Variants in GNAQ observed in about 807,000 individuals in gnomAD.
The protein encoded by GNAQ is guanine nucleotide-binding protein G(q) subunit alpha.
GNAQ carries 8 observed loss-of-function variants against 43.9 expected under a neutral mutation model. That is an observed-to-expected ratio of 0.18 (90% CI 0.11 to 0.33). The LOEUF (loss-of-function observed/expected upper bound fraction) is 0.33. Ranked by LOEUF, GNAQ falls within the 10% of genes least tolerant of loss-of-function variation. The pLI, the probability that GNAQ is intolerant of heterozygous loss-of-function variation, is 1.00. For synonymous variants in GNAQ, 155 were observed against 170.7 expected, an observed-to-expected ratio of 0.91 and a Z score of 0.71; for missense variants, 158 against 450.8, an observed-to-expected ratio of 0.35 and a Z score of 5.88.
chr9:78,016,317 G>A (rs1453111804), intron 1 of GNAQ, among the ~76,000 whole-genome samples: 1 of 152,094 alleles, frequency 6.6e-6, no homozygotes, highest in Non-Finnish European at 1.5e-5. Context: ...TATCAGTTCT[G>A]TTCTTTTCCC....
chr9:77,934,121 A>C (rs1829194535), intron 1 of GNAQ, among the ~76,000 whole-genome samples: 1 of 152,192 alleles, frequency 6.6e-6, no homozygotes, highest in Non-Finnish European at 1.5e-5. Flanking sequence ...GAGGTGCGGC[A>C]CAGAAAGAAC....
chr9:77,759,253 A>T (rs755687799), intron 5 of GNAQ, among the ~76,000 whole-genome samples: 6 of 152,184 alleles, frequency 3.9e-5, no homozygotes, highest in Non-Finnish European at 8.8e-5. Flanking sequence ...TGCAAAAATA[A>T]CGTTACAGTT....
Position 77,788,784 on chromosome 9 carries a change from C to T in GNAQ, c.735+5679G>A, listed in dbSNP as rs1036294010. 4.6e-5 allele frequency among the ~76,000 whole-genome samples: 7 copies of T among 152,168 alleles called. No homozygotes were observed. The South Asian group carries it at 1.0e-3, about 23-fold the overall frequency. On this transcript the variant is annotated intron_variant, in intron 5 of 6. Transcript: ENST00000286548. ...TTTCAAACTGTGTATTTAGACCACA[C>T]GGTATAAGCCTATCACACGCTTTTA...
intron 5 of GNAQ, among the ~76,000 whole-genome samples, chr9:77,758,670 ATGG>A (rs1825940973): frequency 6.6e-6 from 1 of 152,176 alleles, no homozygotes; most frequent in African/African-American, 2.4e-5. Flanking sequence ...TTTTAGATAA[ATGG>A]TAGCACATGT....
In GNAQ at chr9:77,721,180, A is replaced by G. The variant is rs141809734; in HGVS notation, c.*143T>C. 1.3e-3 allele frequency: 706 copies of G among 561,864 alleles called. 2 individuals carry two copies. In the African/African-American group the frequency reaches 0.013, roughly 10 times the overall value. 34.8% of individuals were successfully genotyped at this position (561,864 alleles called of 1,614,324 possible). A position where few individuals can be genotyped will look rare whatever the true frequency, so the allele number is the denominator to read the frequency against. Reference sequence around the variant, plus strand: ...TAAATAAAATCATAATATTTACTACAAACTCTGTGGACACGCTCACACAGA... The same window carrying G: ...TAAATAAAATCATAATATTTACTACGAACTCTGTGGACACGCTCACACAGA... On this transcript the variant is annotated 3_prime_UTR_variant, in exon 7 of 7. Coordinates refer to ENST00000286548, the MANE Select transcript of GNAQ (RefSeq NM_002072.5).
intron 5 of GNAQ, among the ~76,000 whole-genome samples, chr9:77,767,646 A>C (rs184373727): frequency 2.6e-5 from 4 of 152,334 alleles, no homozygotes; most frequent in Admixed American, 2.6e-4. Context: ...ATGGGATGAG[A>C]CTATTGATAC....
At chr9:77,805,750 A>G (rs1217584439) in intron 3 of GNAQ, among the ~76,000 whole-genome samples, 1 of 152,102 alleles carries the variant, frequency 6.6e-6, no homozygotes, top group African/African-American at 2.4e-5. Flanking sequence ...AACAAAGATC[A>G]CTCGGTAGCA....
At chr9:78,004,896 T>C (rs890189848) in intron 1 of GNAQ, among the ~76,000 whole-genome samples, 1 of 151,900 alleles carries the variant, frequency 6.6e-6, no homozygotes, top group Non-Finnish European at 1.5e-5. Flanking sequence ...AGTGTCCTCA[T>C]TTGGCTAAAC....
chr9:77,873,522 T>C, intron 2 of GNAQ, among the ~76,000 whole-genome samples: 1 of 151,588 alleles, frequency 6.6e-6, no homozygotes, highest in Non-Finnish European at 1.5e-5. Context: ...TTGTGGCAGG[T>C]GTCCTTGTTT....
chr9:77,937,205 G>A (rs909115680), intron 1 of GNAQ, among the ~76,000 whole-genome samples: 1 of 152,154 alleles, frequency 6.6e-6, no homozygotes, highest in Admixed American at 6.5e-5. Flanking sequence ...CACTTTGGGA[G>A]GCCAAAGGGG....
intron 1 of GNAQ, among the ~76,000 whole-genome samples, chr9:77,964,432 C>A (rs1030170983): frequency 6.6e-6 from 1 of 152,146 alleles, no homozygotes; most frequent in African/African-American, 2.4e-5. Context: ...TTTAACAACC[C>A]TGTTAACCAC....
chr9:77,746,351 G>A (rs1825729403), intron 5 of GNAQ, among the ~76,000 whole-genome samples: 1 of 152,166 alleles, frequency 6.6e-6, no homozygotes, highest in Admixed American at 6.5e-5. Context: ...GGGCAGCAGT[G>A]AAGCAAGGTC....
chr9:77,950,619 G>A (rs1486799638), intron 1 of GNAQ, among the ~76,000 whole-genome samples: 5 of 152,312 alleles, frequency 3.3e-5, no homozygotes, highest in African/African-American at 9.6e-5. Flanking sequence ...GGAAGGAGAA[G>A]GAAGCTTCAC....
chr9:77,953,103 G>A (rs1823001789), intron 1 of GNAQ, among the ~76,000 whole-genome samples: 2 of 152,178 alleles, frequency 1.3e-5, no homozygotes, highest in African/African-American at 4.8e-5. Context: ...GGAAATCGTT[G>A]CTAACAATTT....
Position 77,922,856 on chromosome 9 carries a change from G to A in GNAQ, c.137-511C>T, listed in dbSNP as rs536790398. ...CTATTTTATTTTTTTTAGACACAGC[G>A]TCTTGCTCTGTAATGCAGGCTGGAA... On this transcript the variant is annotated intron_variant, in intron 1 of 6. Transcript: ENST00000286548. Among the ~76,000 whole-genome samples, 25 of 152,108 alleles carry A rather than the reference G, an allele frequency of 1.6e-4. No individual in the cohort carries two copies. The South Asian group carries it at 4.6e-3, about 28-fold the overall frequency.
intron 2 of GNAQ, among the ~76,000 whole-genome samples, chr9:77,863,474 A>C (rs1011132456): frequency 2.1e-4 from 32 of 152,150 alleles, no homozygotes; most frequent in Admixed American, 2.0e-4. Context: ...TCATTCAACA[A>C]GTCTCCAGGG....
At chr9:77,754,533 A>T (rs1173046249) in intron 5 of GNAQ, among the ~76,000 whole-genome samples, 1 of 152,202 alleles carries the variant, frequency 6.6e-6, no homozygotes, top group African/African-American at 2.4e-5. Context: ...TTGTTCTGTC[A>T]TAATCACACT....
At chr9:77,838,897 A>T (rs1056252504) in intron 2 of GNAQ, among the ~76,000 whole-genome samples, 3 of 152,124 alleles carry the variant, frequency 2.0e-5, no homozygotes, top group Non-Finnish European at 4.4e-5. Context: ...GATGATTTCT[A>T]GATAGTCTTT....
chr9:77,749,610 G>A (rs78912654), intron 5 of GNAQ, among the ~76,000 whole-genome samples: 5 of 152,102 alleles, frequency 3.3e-5, no homozygotes, highest in Non-Finnish European at 7.4e-5. Flanking sequence ...AGGACAATAG[G>A]TGAAGGGTTA....
Sources: gnomAD v4.1 joint callset for allele counts (sites outside exome capture counted in the v4.1 genomes callset) on GRCh38, gnomAD v4.1.1 for gene constraint, MANE v1.5 for transcripts, NCBI Gene and HGNC (gene_info 2026-07-23, HGNC 2026-07-21) for gene names.